Variants in KCNQ5 observed in about 807,000 individuals in gnomAD.
KCNQ5 encodes the protein potassium voltage-gated channel subfamily KQT member 5.
In KCNQ5, 30 loss-of-function variants were observed where a neutral mutation model predicts 98.2. The observed-to-expected ratio is 0.31, with a 90% CI of 0.23 to 0.41. KCNQ5 has a LOEUF of 0.41. KCNQ5 is among the 10% of genes least tolerant of loss of function. The probability of loss-of-function intolerance (pLI) is 1.00; values close to 1 mark genes in which losing one functional copy is unlikely to be tolerated. For missense variants in KCNQ5, 835 were observed against 1,182.5 expected (o/e 0.71, Z 4.31); for synonymous variants, 458 against 449.4 (o/e 1.02, Z -0.24).
intron 9 of KCNQ5, among the ~76,000 whole-genome samples, chr6:73,124,978 TATACACAC>T (rs1254548411): frequency 0.28 from 2,876 of 10,146 alleles, 32 homozygotes; most frequent in Non-Finnish European, 0.3. Context: ...TATATATATA[TATACACAC>T]ACACACATAT....
chr6:73,019,138 T>C (rs1770476374), intron 2 of KCNQ5, among the ~76,000 whole-genome samples: 1 of 152,130 alleles, frequency 6.6e-6, no homozygotes, highest in Admixed American at 6.5e-5. Flanking sequence ...TCCCAGTCCA[T>C]CAAGCTCTCT....
At chr6:73,131,252 A>AT (rs902465636) in intron 9 of KCNQ5, among the ~76,000 whole-genome samples, 28 of 152,152 alleles carry the variant, frequency 1.8e-4, no homozygotes, top group African/African-American at 6.5e-4. Flanking sequence ...TAGTAATTGA[A>AT]TTTTTTTAAT....
At chr6:72,638,746 C>T (rs372239704) in intron 1 of KCNQ5, among the ~76,000 whole-genome samples, 1 of 151,994 alleles carries the variant, frequency 6.6e-6, no homozygotes. Context: ...CACAATAAAT[C>T]TGTTATGTTT....
At chr6:73,101,929 C>A (rs1774794132) in intron 5 of KCNQ5, among the ~76,000 whole-genome samples, 1 of 151,856 alleles carries the variant, frequency 6.6e-6, no homozygotes, top group African/African-American at 2.4e-5. Context: ...CAGAAAATAC[C>A]CAGAAGAGCC....
At chr6:72,980,893 C>A (rs542673477) in intron 1 of KCNQ5, among the ~76,000 whole-genome samples, 1 of 152,192 alleles carries the variant, frequency 6.6e-6, no homozygotes, top group South Asian at 2.1e-4. Flanking sequence ...TTGTCAAAGG[C>A]CTTTTCTGCA....
At chr6:73,117,786 T>C (rs893987371) in intron 7 of KCNQ5, among the ~76,000 whole-genome samples, 2 of 152,240 alleles carry the variant, frequency 1.3e-5, no homozygotes, top group African/African-American at 4.8e-5. Flanking sequence ...GCTGCAATCC[T>C]AAATCCATGT....
At chr6:73,086,228 A>G (rs1425084530) in intron 5 of KCNQ5, among the ~76,000 whole-genome samples, 1 of 152,020 alleles carries the variant, frequency 6.6e-6, no homozygotes, top group Non-Finnish European at 1.5e-5. Flanking sequence ...TTCACAGCCC[A>G]AGCCTCTTTG....
At chr6:72,708,002 C>T (rs1167591470) in intron 1 of KCNQ5, among the ~76,000 whole-genome samples, 1 of 152,124 alleles carries the variant, frequency 6.6e-6, no homozygotes, top group Non-Finnish European at 1.5e-5. Context: ...TTGATGAAAT[C>T]TGAATTAAAA....
intron 1 of KCNQ5, among the ~76,000 whole-genome samples, chr6:72,872,313 G>A (rs546085395): frequency 6.6e-6 from 1 of 152,158 alleles, no homozygotes; most frequent in African/African-American, 2.4e-5. Flanking sequence ...TGTCACTTTT[G>A]CTAATTTGCC....
chr6:73,147,049 G>T (rs985909066), intron 10 of KCNQ5, among the ~76,000 whole-genome samples: 2 of 152,136 alleles, frequency 1.3e-5, no homozygotes, highest in Non-Finnish European at 2.9e-5. Flanking sequence ...CACAGTGCAT[G>T]GTTTTGGAGT....
At chr6:72,971,539 A>T (rs569666686) in intron 1 of KCNQ5, among the ~76,000 whole-genome samples, 4 of 152,336 alleles carry the variant, frequency 2.6e-5, no homozygotes, top group East Asian at 3.9e-4. Context: ...ATAAAGACAC[A>T]TGCACACGTA....
intron 11 of KCNQ5, among the ~76,000 whole-genome samples, chr6:73,170,618 A>C (rs1236371222): frequency 2.0e-5 from 3 of 151,898 alleles, no homozygotes; most frequent in Non-Finnish European, 4.4e-5. Flanking sequence ...CCTGTTGGTG[A>C]AAAACTAGAA....
chr6:73,194,190 G>T (rs1057395282), intron 13 of KCNQ5, among the ~76,000 whole-genome samples: 2 of 152,124 alleles, frequency 1.3e-5, no homozygotes, highest in African/African-American at 4.8e-5. Context: ...ACTTTTAAGA[G>T]GCACTATTTA....
chr6:72,899,736 T>G (rs1779404513), intron 1 of KCNQ5, among the ~76,000 whole-genome samples: 1 of 152,164 alleles, frequency 6.6e-6, no homozygotes, highest in Admixed American at 6.5e-5. Context: ...TCTGAGATTT[T>G]GGTGTACCCA....
At chr6:73,168,254 C>G (rs977113340) in intron 10 of KCNQ5, among the ~76,000 whole-genome samples, 7 of 152,192 alleles carry the variant, frequency 4.6e-5, no homozygotes, top group African/African-American at 9.7e-5. Flanking sequence ...CCTCCAATAG[C>G]CTTTCAAAAT....
chr6:72,911,966 T>C (rs1015194049), intron 1 of KCNQ5, among the ~76,000 whole-genome samples: 1 of 152,182 alleles, frequency 6.6e-6, no homozygotes, highest in African/African-American at 2.4e-5. Context: ...ATTTTCTGAT[T>C]TCCCCTTTGG....
intron 1 of KCNQ5, among the ~76,000 whole-genome samples, chr6:72,670,366 C>G (rs1267446670): frequency 6.6e-6 from 1 of 152,166 alleles, no homozygotes; most frequent in Non-Finnish European, 1.5e-5. Flanking sequence ...TCTACCTATG[C>G]TCTCTTAATG....
At chr6:72,665,121 G>C (rs1348230492) in intron 1 of KCNQ5, among the ~76,000 whole-genome samples, 1 of 152,134 alleles carries the variant, frequency 6.6e-6, no homozygotes. Context: ...GCCACGGTAG[G>C]TGTATCACTT....
chr6:72,823,995 T>G (rs1775873790), intron 1 of KCNQ5, among the ~76,000 whole-genome samples: 1 of 152,196 alleles, frequency 6.6e-6, no homozygotes, highest in Admixed American at 6.5e-5. Context: ...AGATTCATTT[T>G]AATGTTTCCA....
Sources: gnomAD v4.1 joint callset for allele counts (sites outside exome capture counted in the v4.1 genomes callset) on GRCh38, gnomAD v4.1.1 for gene constraint, MANE v1.5 for transcripts, NCBI Gene and HGNC (gene_info 2026-07-23, HGNC 2026-07-21) for gene names.